The following UBR7 variants were observed in gnomAD, a reference collection of about 807,000 sequenced individuals.
UBR7 encodes ubiquitin protein ligase E3 component n-recognin 7.
UBR7 carries 22 observed loss-of-function variants against 57.0 expected under a neutral mutation model. That is an observed-to-expected ratio of 0.39 (90% CI 0.28 to 0.55). UBR7 has a LOEUF of 0.55. UBR7 is among the 20% of genes least tolerant of loss of function. UBR7 has a pLI of 0.69. For synonymous variants in UBR7, 167 were observed against 179.8 expected, an observed-to-expected ratio of 0.93 and a Z score of 0.57; for missense variants, 395 against 513.2, an observed-to-expected ratio of 0.77 and a Z score of 2.23.
rs1435948432 is a variant in UBR7, at chr14:93,215,231, C to G, written c.551C>G (p.Ala184Gly). Residue 184 changes from alanine (A) to glycine (G), a missense_variant, in exon 6 of 11, where the codon GCC (alanine) becomes GGC (glycine). By Grantham distance (60) the Ala-to-Gly change is moderately conservative. Coordinates refer to ENST00000013070, the MANE Select transcript of UBR7 (RefSeq NM_175748.4). The part of the protein sequence containing the change: ...SGDFQEMVCQ[A>G]CMKRCSFLWA... The stretch of plus-strand genomic sequence containing the variant: ...GATTTTCAGGAGATGGTATGCCAGG[C>G]CTGCATGAAACGTTGTTCTTTTTTG... 6.3e-7 allele frequency: 1 copy of G among 1,591,162 alleles called. No homozygotes were observed. Among genetic ancestry groups the G allele is most frequent in the Non-Finnish European group, 8.6e-7 (1 of 1,168,196 alleles).
At chr14:93,212,212 C>T in intron 4 of UBR7, 85 bp downstream of exon 4, 1 of 984,750 alleles carries the variant, frequency 1.0e-6, no homozygotes, top group Non-Finnish European at 1.6e-6. Flanking sequence ...GCCTCTGGCT[C>T]TTCAAGAGGC....
chr14:93,223,173 G>A (rs951621953), intron 10 of UBR7, among the ~76,000 whole-genome samples: 4 of 152,030 alleles, frequency 2.6e-5, no homozygotes, highest in African/African-American at 9.7e-5. Flanking sequence ...GAGGTGGGTG[G>A]ATCACCTGAG....
chr14:93,227,112 C>A lies in UBR7; in HGVS notation c.*77C>A. The A allele has an allele frequency of 8.5e-7, 1 of 1,175,366 alleles. No individual in the cohort carries two copies. Among genetic ancestry groups the A allele is most frequent in the Non-Finnish European group, 1.2e-6 (1 of 803,630 alleles). The allele number at this position is 1,175,366 out of a possible 1,614,324, so 72.8% of individuals were successfully genotyped here. A position where few individuals can be genotyped will look rare whatever the true frequency, so the allele number is the denominator to read the frequency against. ...CTTGGAATAAAAGAGGTGTGGTTCA[C>A]ATTTGGCCCCCTTTCCGTCCTCCTC... On this transcript the variant is annotated 3_prime_UTR_variant, in exon 11 of 11. Transcript: ENST00000013070.
intron 8 of UBR7, 90 bp downstream of exon 8, chr14:93,219,451 A>G (rs1443155755): frequency 1.0e-5 from 16 of 1,527,296 alleles, no homozygotes; most frequent in Non-Finnish European, 1.4e-5. Flanking sequence ...CAATTTTTGT[A>G]CCAGAGGAAG....
Position 93,228,747 on chromosome 14 carries a change from G to T in UBR7, c.*1712G>T, listed in dbSNP as rs1486325021. ...CAATGTTTCGAACCCTTTTTGCAAG[G>T]TTGCACTATTAGTATACCATCATGT... On this transcript the variant is annotated 3_prime_UTR_variant, in exon 11 of 11. Coordinates refer to ENST00000013070, the MANE Select transcript of UBR7 (RefSeq NM_175748.4). 1 of 453,934 alleles carries T rather than the reference G, an allele frequency of 2.2e-6. No homozygotes were observed. Among genetic ancestry groups the T allele is most frequent in the Non-Finnish European group, 4.4e-6 (1 of 226,792 alleles). The allele number at this position is 453,934 out of a possible 1,614,324, so 28.1% of individuals were successfully genotyped here. A position where few individuals can be genotyped will look rare whatever the true frequency, so the allele number is the denominator to read the frequency against.
At chr14:93,209,219 A>T (rs967878852) in intron 1 of UBR7, among the ~76,000 whole-genome samples, 10 of 152,264 alleles carry the variant, frequency 6.6e-5, no homozygotes, top group African/African-American at 2.2e-4. Context: ...TGCAGACACG[A>T]TGACACTATA....
At chr14:93,208,539 ATTCC>A (rs1488175728) in intron 1 of UBR7, among the ~76,000 whole-genome samples, 1 of 151,970 alleles carries the variant, frequency 6.6e-6, no homozygotes, top group Non-Finnish European at 1.5e-5. Flanking sequence ...TATAAAATGG[ATTCC>A]TTAATATTTT....
At chr14:93,222,563 T>C (rs1028537457) in intron 10 of UBR7, among the ~76,000 whole-genome samples, 189 bp downstream of exon 10, 1 of 151,902 alleles carries the variant, frequency 6.6e-6, no homozygotes, top group Non-Finnish European at 1.5e-5. Context: ...GCCAATATGG[T>C]GAAACCCCAT....
intron 10 of UBR7, among the ~76,000 whole-genome samples, chr14:93,224,369 G>C (rs920702355): frequency 3.4e-5 from 4 of 117,042 alleles, no homozygotes; most frequent in African/African-American, 1.3e-4. Context: ...CTTCCTTACA[G>C]TTCTTTTTTT....
intron 4 of UBR7, among the ~76,000 whole-genome samples, chr14:93,212,760 A>AGT (rs1894510757): frequency 6.6e-6 from 1 of 152,252 alleles, no homozygotes; most frequent in African/African-American, 2.4e-5. Context: ...AAACACACTT[A>AGT]CCCCCTTCTA....
In UBR7 at chr14:93,226,943, G is replaced by A. The variant is rs1413925610; in HGVS notation, c.1186G>A (p.Val396Ile). 2 of 1,611,552 alleles carry A rather than the reference G, an allele frequency of 1.2e-6. No homozygotes were observed. The highest frequency in any genetic ancestry group is 2.2e-5 in the East Asian group (1 of 44,788). Reference sequence around the variant, plus strand: ...CATAATCTTTGCTTTTCAAAAACAGGTTGTTAAGAGAGAGGACATTCAGCA... The same window carrying A: ...CATAATCTTTGCTTTTCAAAAACAGATTGTTAAGAGAGAGGACATTCAGCA... ...YLKRFADEGT[V>I]VKREDIQQFF... Residue 396 changes from valine (V) to isoleucine (I), a missense_variant and splice_region_variant, in exon 11 of 11, where the codon GTT (valine) becomes ATT (isoleucine). Physicochemically the swap from Val to Ile is conservative, Grantham distance 29. Coordinates refer to ENST00000013070, the MANE Select transcript of UBR7 (RefSeq NM_175748.4).
chr14:93,228,623 C>G lies in UBR7; in HGVS notation c.*1588C>G, dbSNP rs1290565507. 2 of 454,116 alleles carry G rather than the reference C, an allele frequency of 4.4e-6. No homozygotes were observed. The highest frequency in any genetic ancestry group is 3.1e-5 in the South Asian group (2 of 64,474). 28.1% of individuals were successfully genotyped at this position (454,116 alleles called of 1,614,324 possible). On this transcript the variant is annotated 3_prime_UTR_variant, in exon 11 of 11. Coordinates refer to ENST00000013070, the MANE Select transcript of UBR7 (RefSeq NM_175748.4). Reference sequence around the variant, plus strand: ...GAAGGTCTTGTGGCCACAGGACATGCTGGTGAGCCCTGAGCTGGCCTTGTG... The same window carrying G: ...GAAGGTCTTGTGGCCACAGGACATGGTGGTGAGCCCTGAGCTGGCCTTGTG...
intron 6 of UBR7, among the ~76,000 whole-genome samples, chr14:93,216,568 T>C (rs935129575): frequency 2.6e-5 from 4 of 152,128 alleles, no homozygotes; most frequent in African/African-American, 9.7e-5. Context: ...GCCATACCTC[T>C]GATCTCATCC....
At chr14:93,221,238 G>C (rs1305110765) in intron 9 of UBR7, among the ~76,000 whole-genome samples, 1 of 151,482 alleles carries the variant, frequency 6.6e-6, no homozygotes, top group Admixed American at 6.6e-5. Flanking sequence ...AGCCTCCCAA[G>C]TAGCTGGGAT....
intron 1 of UBR7, among the ~76,000 whole-genome samples, chr14:93,208,379 T>C (rs760503854): frequency 6.6e-6 from 1 of 152,020 alleles, no homozygotes; most frequent in Non-Finnish European, 1.5e-5. Context: ...AGTGCTAGAT[T>C]GTTGAATAAA....
At chr14:93,210,833 T>C (rs1894467438) in intron 3 of UBR7, 125 bp downstream of exon 3, 5 of 779,688 alleles carry the variant, frequency 6.4e-6, no homozygotes, top group African/African-American at 3.5e-5. Flanking sequence ...TCTTTGCAGA[T>C]GGCCATTTCA....
rs1271004096 is a variant in UBR7, at chr14:93,228,897, A to G, written c.*1862A>G. On this transcript the variant is annotated 3_prime_UTR_variant, in exon 11 of 11. Coordinates refer to ENST00000013070, the MANE Select transcript of UBR7 (RefSeq NM_175748.4). ...CATTACGTGCAGCACAATAGTACCG[A>G]TCAGTTAACTCAGCGCTGAAGGGCT... The G allele has an allele frequency of 4.4e-6, 2 of 454,020 alleles. No homozygotes were observed. Among genetic ancestry groups the G allele is most frequent in the Non-Finnish European group, 8.8e-6 (2 of 226,804 alleles). The allele number at this position is 454,020 out of a possible 1,614,324, so 28.1% of individuals were successfully genotyped here. A position where few individuals can be genotyped will look rare whatever the true frequency, so the allele number is the denominator to read the frequency against.
chr14:93,223,915 C>T, intron 10 of UBR7: 2 of 725,816 alleles, frequency 2.8e-6, no homozygotes, highest in Non-Finnish European at 5.0e-6. Flanking sequence ...AGTTCTTGAC[C>T]CGCGGTGGGG....
At position 93,227,021 on chromosome 14, in the gene UBR7, T is replaced by C; in HGVS notation, c.1264T>C (p.Tyr422His). ...GAGAAGAAGAGTGGATGGGATGCAGTATTACTGCAGCTAGAGTGGAGTATG... is the reference window on the plus strand; with the variant it reads ...GAGAAGAAGAGTGGATGGGATGCAGCATTACTGCAGCTAGAGTGGAGTATG... ...KKRRRVDGMQ[Y>H]YCS Residue 422 changes from tyrosine to histidine, a missense_variant, in exon 11 of 11, where the codon TAT (tyrosine) becomes CAT (histidine). Transcript: ENST00000013070. The C allele has an allele frequency of 6.2e-7, 1 of 1,611,124 alleles. No individual in the cohort carries two copies. Among genetic ancestry groups the C allele is most frequent in the Non-Finnish European group, 8.5e-7 (1 of 1,177,880 alleles).
Sources: gnomAD v4.1 joint callset for allele counts (sites outside exome capture counted in the v4.1 genomes callset) on GRCh38, gnomAD v4.1.1 for gene constraint, MANE v1.5 for transcripts, NCBI Gene and HGNC (gene_info 2026-07-23, HGNC 2026-07-21) for gene names.